Variants in BTRC observed in about 807,000 individuals in gnomAD.
The protein encoded by BTRC is F-box/WD repeat-containing protein 1A.
Under a neutral mutation model 85.5 loss-of-function variants are expected in BTRC, and 42 were observed. The ratio of observed to expected loss-of-function variants is 0.49; its 90% CI spans 0.38 to 0.64. BTRC has a LOEUF of 0.64. Ranked by LOEUF, BTRC falls within the 30% of genes least tolerant of loss-of-function variation. The pLI, the probability that BTRC is intolerant of heterozygous loss-of-function variation, is 0.00. For missense variants in BTRC, 594 were observed against 743.5 expected, an observed-to-expected ratio of 0.80 and a Z score of 2.34; for synonymous variants, 255 against 263.3, an observed-to-expected ratio of 0.97 and a Z score of 0.30.
At chr10:101,396,459 T>C (rs1943366258) in intron 1 of BTRC, among the ~76,000 whole-genome samples, 1 of 150,516 alleles carries the variant, frequency 6.6e-6, no homozygotes, top group Non-Finnish European at 1.5e-5. Flanking sequence ...TTGCCCAGGC[T>C]GGTCTCGAGC....
At chr10:101,452,420 A>G (rs531042121) in intron 2 of BTRC, among the ~76,000 whole-genome samples, 3 of 152,356 alleles carry the variant, frequency 2.0e-5, no homozygotes, top group East Asian at 3.9e-4. Flanking sequence ...GAATTCTCCT[A>G]TCCAAGGCTT....
chr10:101,451,018 C>T (rs1249636048), intron 2 of BTRC, among the ~76,000 whole-genome samples: 1 of 152,084 alleles, frequency 6.6e-6, no homozygotes, highest in Non-Finnish European at 1.5e-5. Context: ...AGATCCTGCA[C>T]AATTTGCCTA....
At chr10:101,369,572 A>T (rs913268127) in intron 1 of BTRC, among the ~76,000 whole-genome samples, 4 of 152,140 alleles carry the variant, frequency 2.6e-5, no homozygotes, top group African/African-American at 7.2e-5. Flanking sequence ...AAGCTCTTTT[A>T]GAAGTTTCTT....
At chr10:101,354,304 AC>A in intron 1 of BTRC, 76 bp downstream of exon 1, 2 of 1,496,590 alleles carry the variant, frequency 1.3e-6, no homozygotes, top group Non-Finnish European at 9.0e-7. Flanking sequence ...CCGCCCGCCC[AC>A]TGCGGGACCG....
chr10:101,473,618 T>C (rs1945598642), intron 3 of BTRC, among the ~76,000 whole-genome samples: 1 of 151,560 alleles, frequency 6.6e-6, no homozygotes, highest in South Asian at 2.1e-4. Flanking sequence ...TTACAGGCAC[T>C]TGCCACCATG....
intron 1 of BTRC, among the ~76,000 whole-genome samples, chr10:101,429,866 T>TAAA (rs35131210): frequency 1.0e-4 from 15 of 143,832 alleles, no homozygotes; most frequent in African/African-American, 3.3e-4. Context: ...CTTTTCCTTC[T>TAAA]AAAAAAAAAA....
rs144263629 is a variant in BTRC, at chr10:101,512,682, T to G, written c.325-8957T>G. On this transcript the variant is annotated intron_variant, in intron 4 of 14. Transcript: ENST00000370187. ...GCCCAGGCTGCAGCTTCAGAGAAAT[T>G]CATGGTAATTTTGAAAGTGGTACGT... 6.7e-3 allele frequency among the ~76,000 whole-genome samples: 1,027 copies of G among 152,332 alleles called. 5 individuals are homozygous for G. The highest frequency in any genetic ancestry group is 0.01 in the Non-Finnish European group (712 of 68,026).
intron 3 of BTRC, among the ~76,000 whole-genome samples, chr10:101,468,999 G>A (rs1411554385): frequency 1.3e-5 from 2 of 152,148 alleles, no homozygotes; most frequent in South Asian, 2.1e-4. Flanking sequence ...CAGAATTACA[G>A]CCTGCTTTCA....
chr10:101,412,313 CTGTT>C (rs761793086), intron 1 of BTRC, among the ~76,000 whole-genome samples: 6 of 152,180 alleles, frequency 3.9e-5, no homozygotes, highest in Non-Finnish European at 2.9e-5. Context: ...CCATTGTACT[CTGTT>C]TGAGTTCCCC....
chr10:101,400,438 G>A (rs1451628145), intron 1 of BTRC, among the ~76,000 whole-genome samples: 1 of 152,164 alleles, frequency 6.6e-6, no homozygotes, highest in African/African-American at 2.4e-5. Flanking sequence ...TTTCATGAGT[G>A]GAGTTTCCCT....
intron 2 of BTRC, among the ~76,000 whole-genome samples, chr10:101,459,050 T>A (rs1162391893): frequency 2.0e-5 from 3 of 152,204 alleles, no homozygotes; most frequent in East Asian, 3.8e-4. Flanking sequence ...TCCCTCTGCC[T>A]CCACCTCCTG....
Position 101,555,767 on chromosome 10 carries a change from C to A in BTRC, c.*2644C>A, listed in dbSNP as rs1232846548. 1 of 152,474 alleles carries A rather than the reference C, an allele frequency of 6.6e-6. No homozygotes were observed. Among genetic ancestry groups the A allele is most frequent in the Non-Finnish European group, 1.5e-5 (1 of 68,044 alleles). 9.4% of individuals were successfully genotyped at this position (152,474 alleles called of 1,614,324 possible). On this transcript the variant is annotated 3_prime_UTR_variant, in exon 15 of 15. Transcript: ENST00000370187. ...ATTCCAAGGAGTGGTAGAAACAGAG[C>A]TGAAGGTGTCCCCATTGTAGATTAG...
At position 101,535,498 on chromosome 10, in the gene BTRC, A is replaced by T. The variant is rs756560399; in HGVS notation, c.1466+26A>T. The T allele has an allele frequency of 2.1e-5, 31 of 1,478,282 alleles. No individual in the cohort carries two copies. The East Asian group carries it at 6.8e-4, about 32-fold the overall frequency. 91.6% of individuals were successfully genotyped at this position (1,478,282 alleles called of 1,614,324 possible). A position where few individuals can be genotyped will look rare whatever the true frequency, so the allele number is the denominator to read the frequency against. On this transcript the variant is annotated intron_variant, in intron 11 of 14. Coordinates refer to ENST00000370187, the MANE Select transcript of BTRC (RefSeq NM_033637.4). ...GTGAGCAGCAAGTGCCTTGTATCAT[A>T]AGGGATCAATATTATGCTCCCATTC...
intron 2 of BTRC, among the ~76,000 whole-genome samples, chr10:101,439,252 C>G (rs950433431): frequency 2.0e-5 from 3 of 152,198 alleles, no homozygotes; most frequent in Admixed American, 6.5e-5. Context: ...TGCCTGAGCG[C>G]TTCATCCTGG....
chr10:101,362,157 C>T (rs1374229699), intron 1 of BTRC, among the ~76,000 whole-genome samples: 2 of 151,056 alleles, frequency 1.3e-5, no homozygotes, highest in African/African-American at 4.9e-5. Context: ...GATGGGGTTT[C>T]ACCATGTTGG....
chr10:101,404,781 G>A (rs1003715933), intron 1 of BTRC, among the ~76,000 whole-genome samples: 22 of 152,010 alleles, frequency 1.4e-4, no homozygotes, highest in Non-Finnish European at 3.2e-4. Context: ...GGCGGATCAC[G>A]AGGTCAGGAG....
intron 1 of BTRC, among the ~76,000 whole-genome samples, chr10:101,424,238 G>GA (rs950658605): frequency 2.0e-4 from 30 of 150,400 alleles, no homozygotes; most frequent in African/African-American, 4.1e-4. Context: ...CTGTCTCAAA[G>GA]AAAAAAAAAG....
chr10:101,367,109 C>T (rs1279516614), intron 1 of BTRC, among the ~76,000 whole-genome samples: 1 of 127,714 alleles, frequency 7.8e-6, no homozygotes, highest in Non-Finnish European at 1.6e-5. Context: ...CTCGCTCTGT[C>T]GCCCAGGCTG....
intron 1 of BTRC, among the ~76,000 whole-genome samples, chr10:101,404,028 ATATTTT>A (rs1390604917): frequency 6.4e-5 from 2 of 31,092 alleles, no homozygotes; most frequent in African/African-American, 1.2e-4. Flanking sequence ...ATATATATAT[ATATTTT>A]TTTTTTTTTT....
Sources: allele counts gnomAD v4.1 joint callset (sites outside exome capture counted in the v4.1 genomes callset), GRCh38; gene constraint gnomAD v4.1.1; transcripts MANE v1.5; gene names NCBI Gene and HGNC (gene_info 2026-07-23, HGNC 2026-07-21).